Variants in SORBS2 observed in about 807,000 individuals in gnomAD.
SORBS2 encodes sorbin and SH3 domain-containing protein 2.
In SORBS2, 46 loss-of-function variants were observed where a neutral mutation model predicts 97.7. That is an observed-to-expected ratio of 0.47 (90% confidence interval 0.37 to 0.60). The LOEUF is 0.60. SORBS2 is among the 20% of genes least tolerant of loss of function. The probability of loss-of-function intolerance (pLI) is 0.00; values close to 1 mark genes in which losing one functional copy is unlikely to be tolerated. For synonymous variants in SORBS2, 476 were observed against 473.4 expected, an observed-to-expected ratio of 1.01 and a Z score of -0.07; for missense variants, 1,316 against 1,282.3, an observed-to-expected ratio of 1.03 and a Z score of -0.40.
chr4:185,784,544 G>A (rs1314932928), intron 1 of SORBS2, among the ~76,000 whole-genome samples: 1 of 152,194 alleles, frequency 6.6e-6, no homozygotes, highest in Non-Finnish European at 1.5e-5. Flanking sequence ...AGAGGATAGA[G>A]AGGAACCTAC....
At chr4:185,614,001 G>A (rs1042985870) in intron 11 of SORBS2, among the ~76,000 whole-genome samples, 1 of 152,158 alleles carries the variant, frequency 6.6e-6, no homozygotes, top group African/African-American at 2.4e-5. Flanking sequence ...GGAGGTCCTA[G>A]AGCCACTCTA....
chr4:185,711,038 T>C (rs72702052), intron 2 of SORBS2, among the ~76,000 whole-genome samples: 6,147 of 152,260 alleles, frequency 0.04, 142 homozygotes, highest in Middle Eastern at 0.078. Context: ...GGTGTGATTA[T>C]GGCTCACTGC....
intron 6 of SORBS2, among the ~76,000 whole-genome samples, chr4:185,626,536 A>G (rs2096818110): frequency 6.6e-6 from 1 of 152,252 alleles, no homozygotes; most frequent in Admixed American, 6.5e-5. Flanking sequence ...TACAAAATAC[A>G]TCTTTTAGTA....
intron 9 of SORBS2, among the ~76,000 whole-genome samples, chr4:185,615,649 A>G (rs2096616195): frequency 6.6e-6 from 1 of 152,162 alleles, no homozygotes. Context: ...ACCAGAACAA[A>G]TTTTATTTGT....
chr4:185,815,722 C>T (rs757332130), intron 1 of SORBS2, among the ~76,000 whole-genome samples: 19 of 152,162 alleles, frequency 1.2e-4, no homozygotes, highest in Non-Finnish European at 2.4e-4. Context: ...ACCGTATGCA[C>T]ACCTACACAT....
intron 1 of SORBS2, among the ~76,000 whole-genome samples, chr4:185,872,674 T>C (rs4861687): frequency 0.22 from 33,685 of 152,194 alleles, 4,225 homozygotes; most frequent in East Asian, 0.54. Context: ...TCAAAATGAT[T>C]TATAGATTAA....
chr4:185,671,238 C>T (rs1201233121), intron 4 of SORBS2, among the ~76,000 whole-genome samples: 4 of 152,206 alleles, frequency 2.6e-5, no homozygotes, highest in Admixed American at 2.6e-4. Flanking sequence ...GGCACACTGA[C>T]AGCATGTGGC....
intron 1 of SORBS2, among the ~76,000 whole-genome samples, chr4:185,780,177 G>A (rs1012396388): frequency 4.0e-5 from 6 of 151,840 alleles, no homozygotes; most frequent in African/African-American, 1.2e-4. Context: ...CACCACACCC[G>A]GTTAATTTTG....
intron 8 of SORBS2, 24 bp downstream of exon 20, chr4:185,620,039 C>T (rs1428593769): frequency 2.8e-6 from 4 of 1,417,502 alleles, no homozygotes; most frequent in East Asian, 2.3e-5. Flanking sequence ...CTGTGAAAGA[C>T]TCCAATGCTA....
chr4:185,772,557 G>C (rs912405682), intron 2 of SORBS2: 6 of 152,146 alleles, frequency 3.9e-5, no homozygotes, highest in Non-Finnish European at 7.3e-5. Flanking sequence ...GGCTCTCCCG[G>C]GACTTCCTTC....
chr4:185,669,587 T>C (rs997765532), intron 4 of SORBS2, among the ~76,000 whole-genome samples: 3 of 152,016 alleles, frequency 2.0e-5, no homozygotes, highest in Admixed American at 6.6e-5. Flanking sequence ...AAAGTGCTCG[T>C]TGGGGTGCAA....
At chr4:185,657,000 A>G (rs1018483646), upstream of SORBS2, 1 of 1,001,772 alleles carries the variant, frequency 1.0e-6, no homozygotes, top group African/African-American at 1.7e-5. Flanking sequence ...GTTAACACAC[A>G]TCTATTTCAA....
At chr4:185,912,042 T>C (rs189265430) in intron 1 of SORBS2, among the ~76,000 whole-genome samples, 2 of 152,342 alleles carry the variant, frequency 1.3e-5, no homozygotes. Flanking sequence ...CTGGACTTTG[T>C]AGGAGAAAAA....
At chr4:185,915,393 A>C (rs753448840) in intron 1 of SORBS2, among the ~76,000 whole-genome samples, 15 of 152,226 alleles carry the variant, frequency 9.9e-5, no homozygotes, top group Non-Finnish European at 2.1e-4. Flanking sequence ...CCTGTTGGCC[A>C]GAAACCTAAA....
At chr4:185,878,085 T>G (rs11721899) in intron 1 of SORBS2, among the ~76,000 whole-genome samples, 61,885 of 151,778 alleles carry the variant, frequency 0.41, 12,924 homozygotes, top group East Asian at 0.56. Context: ...AAATCTAATT[T>G]CATAAGCATT....
Position 185,751,190 on chromosome 4 carries a change from A to AAAAAAAAAAAAAAAAAAAAAAAAAAAGAG in SORBS2, c.-198+24036_-198+24037insCTCTTTTTTTTTTTTTTTTTTTTTTTTTT. The stretch of plus-strand genomic sequence containing the variant: ...TAAATACTAAAAAAAAAAAAAAAAA[A>AAAAAAAAAAAAAAAAAAAAAAAAAAAGAG]AGAGAAAGAGAGAGAAATTCAGGAA... On this transcript the variant is annotated intron_variant, in intron 2 of 20. Transcript: ENST00000284776. Among the ~76,000 whole-genome samples, 15 of 86,416 alleles carry AAAAAAAAAAAAAAAAAAAAAAAAAAAGAG rather than the reference A, an allele frequency of 1.7e-4. 1 individual carries two copies. The highest frequency in any genetic ancestry group is 4.1e-4 in the African/African-American group (10 of 24,372). The allele number at this position is 86,416 out of a possible 152,430, so 56.7% of individuals were successfully genotyped here.
intron 12 of SORBS2, among the ~76,000 whole-genome samples, chr4:185,594,701 A>G (rs2096043248): frequency 1.3e-5 from 2 of 152,320 alleles, no homozygotes; most frequent in African/African-American, 4.8e-5. Context: ...TTAGCATCCC[A>G]TATACCCACA....
Position 185,911,963 on chromosome 4 carries a change from G to A in SORBS2, c.-338+44233C>T, listed in dbSNP as rs77202245. ...ATGCCACATCACTAGTGCTCTCCAT[G>A]GCACAGAGAAATACTTATGGAAAAA... is the stretch of plus-strand genomic sequence containing the variant. On this transcript the variant is annotated intron_variant, in intron 1 of 20. Coordinates refer to the SORBS2 transcript ENST00000284776. 4.7e-3 allele frequency among the ~76,000 whole-genome samples: 720 copies of A among 152,270 alleles called. 7 individuals are homozygous for A. Among genetic ancestry groups the A allele is most frequent in the African/African-American group, 0.017 (691 of 41,556 alleles).
In SORBS2 at chr4:185,891,496, C is replaced by A. The variant is rs538100363; in HGVS notation, c.-338+64700G>T. Among the ~76,000 whole-genome samples, 13 of 152,294 alleles carry A rather than the reference C, an allele frequency of 8.5e-5. No homozygotes were observed. The South Asian group carries it at 2.7e-3, about 32-fold the overall frequency. ...CTAGAGGAAACAAGATTTCAACGTGCTCAATTATTTCTGCAGATAGCAACA... is the reference window on the plus strand; with the variant it reads ...CTAGAGGAAACAAGATTTCAACGTGATCAATTATTTCTGCAGATAGCAACA... On this transcript the variant is annotated intron_variant, in intron 1 of 20. Coordinates refer to the SORBS2 transcript ENST00000284776.
Sources: gnomAD v4.1 joint callset for allele counts (sites outside exome capture counted in the v4.1 genomes callset) on GRCh38, gnomAD v4.1.1 for gene constraint, MANE v1.5 for transcripts, NCBI Gene and HGNC (gene_info 2026-07-23, HGNC 2026-07-21) for gene names.